Variants in INPP4B observed in about 807,000 individuals in gnomAD.
INPP4B encodes the protein inositol polyphosphate-4-phosphatase type II B.
In INPP4B, 55 loss-of-function variants were observed where a neutral mutation model predicts 122.5. The ratio of observed to expected loss-of-function variants is 0.45; its 90% CI spans 0.36 to 0.56. The LOEUF (loss-of-function observed/expected upper bound fraction) is 0.56. Among genes scored for constraint, INPP4B ranks in the 20% least tolerant of loss-of-function variants. The probability of loss-of-function intolerance (pLI) is 0.00; values close to 1 mark genes in which losing one functional copy is unlikely to be tolerated. For synonymous variants in INPP4B, 403 were observed against 388.7 expected (o/e 1.04, Z -0.43); for missense variants, 1,000 against 1,097.7 (o/e 0.91, Z 1.26).
chr4:142,765,116 A>C (rs781401241), intron 1 of INPP4B, among the ~76,000 whole-genome samples: 1 of 152,176 alleles, frequency 6.6e-6, no homozygotes, highest in East Asian at 1.9e-4. Context: ...CACAGACCTC[A>C]GTCCAAAAAA....
At chr4:142,075,687 A>T (rs1770274878) in intron 25 of INPP4B, among the ~76,000 whole-genome samples, 1 of 151,966 alleles carries the variant, frequency 6.6e-6, no homozygotes, top group Non-Finnish European at 1.5e-5. Flanking sequence ...GAGCAAGGGT[A>T]ACATTTCTCA....
At chr4:142,522,167 AT>A (rs1199696618) in intron 2 of INPP4B, among the ~76,000 whole-genome samples, 1 of 151,772 alleles carries the variant, frequency 6.6e-6, no homozygotes, top group Non-Finnish European at 1.5e-5. Context: ...CTTTTGTTGC[AT>A]TTTTAAAGGT....
intron 2 of INPP4B, among the ~76,000 whole-genome samples, chr4:142,478,020 C>A (rs1283487036): frequency 6.6e-6 from 1 of 152,180 alleles, no homozygotes. Context: ...CCCGGCTGGT[C>A]TTGAACTCGT....
chr4:142,375,552 T>C (rs988620483), intron 7 of INPP4B, among the ~76,000 whole-genome samples: 1 of 151,938 alleles, frequency 6.6e-6, no homozygotes, highest in Admixed American at 6.6e-5. Flanking sequence ...ACTTGCTTTA[T>C]CAGCTTTCCT....
At chr4:142,049,025 A>C (rs1317218111) in intron 25 of INPP4B, among the ~76,000 whole-genome samples, 1 of 152,020 alleles carries the variant, frequency 6.6e-6, no homozygotes, top group African/African-American at 2.4e-5. Context: ...CAACTTTGAG[A>C]TGCTATCACC....
At chr4:142,330,141 A>C (rs1365486310) in intron 7 of INPP4B, among the ~76,000 whole-genome samples, 1 of 152,198 alleles carries the variant, frequency 6.6e-6, no homozygotes, top group Non-Finnish European at 1.5e-5. Flanking sequence ...ATTGTTACTT[A>C]TCTGCATTTG....
rs1308764400 is a variant in INPP4B, at chr4:142,027,760, G to GTTAT, written c.*1018_*1021dup. ...TTGGGATTTTGGAAAACTTATAAAT[G>GTTAT]TTATTTTGCTGAGTAAGGGCAAGGG... On this transcript the variant is annotated 3_prime_UTR_variant, in exon 26 of 26. Coordinates refer to ENST00000262992, the MANE Select transcript of INPP4B (RefSeq NM_001101669.3). 1 of 155,898 alleles carries GTTAT rather than the reference G, an allele frequency of 6.4e-6. No homozygotes were observed. The highest frequency in any genetic ancestry group is 1.4e-5 in the Non-Finnish European group (1 of 70,232). 9.7% of individuals were successfully genotyped at this position (155,898 alleles called of 1,614,324 possible).
chr4:142,822,858 A>G (rs551639447), intron 1 of INPP4B, among the ~76,000 whole-genome samples: 9 of 152,280 alleles, frequency 5.9e-5, no homozygotes, highest in Non-Finnish European at 1.0e-4. Context: ...AGGTTATGCT[A>G]TGTTCACAAA....
At chr4:142,517,776 T>C (rs922809019) in intron 2 of INPP4B, among the ~76,000 whole-genome samples, 16 of 152,042 alleles carry the variant, frequency 1.1e-4, no homozygotes, top group African/African-American at 3.9e-4. Flanking sequence ...TGGCCATCAA[T>C]CCCTCCCTCT....
At chr4:142,316,062 A>G (rs1767524885) in intron 7 of INPP4B, among the ~76,000 whole-genome samples, 1 of 152,190 alleles carries the variant, frequency 6.6e-6, no homozygotes, top group African/African-American at 2.4e-5. Flanking sequence ...GCAGCAAGCT[A>G]TAATAAAATG....
At chr4:142,544,051 CT>C (rs1829243617) in intron 2 of INPP4B, among the ~76,000 whole-genome samples, 1 of 150,364 alleles carries the variant, frequency 6.7e-6, no homozygotes, top group Non-Finnish European at 1.5e-5. Flanking sequence ...GAAAGCTGAG[CT>C]ACACAACTAA....
Position 142,193,185 on chromosome 4 carries a change from G to A in INPP4B, c.1083C>T (p.Tyr361=), listed in dbSNP as rs528311267. ...CTGGGGCTCCCACAGTGATGACATC[G>A]TAGAGAGCATCTGGAGTAGAAACAG... ...VHSPHLKDAL[Y]DVITVGAPAA... is the part of the protein sequence containing the mutation. Residue 361 remains tyrosine, a synonymous_variant, in exon 15 of 26, where the codon TAC becomes TAT. Transcript: ENST00000262992. 29 of 1,603,542 alleles carry A rather than the reference G, an allele frequency of 1.8e-5. No homozygotes were observed. The Middle Eastern group carries it at 6.6e-4, about 37-fold the overall frequency.
At chr4:142,400,484 C>T (rs574831648) in intron 7 of INPP4B, among the ~76,000 whole-genome samples, 3 of 152,220 alleles carry the variant, frequency 2.0e-5, no homozygotes, top group Non-Finnish European at 4.4e-5. Context: ...CACTTGCTGC[C>T]TTCCTCCATC....
At chr4:142,069,736 G>C (rs1578794507) in intron 25 of INPP4B, among the ~76,000 whole-genome samples, 1 of 152,260 alleles carries the variant, frequency 6.6e-6, no homozygotes, top group East Asian at 1.9e-4. Flanking sequence ...AAATCTAGAA[G>C]AAATGGATAA....
chr4:142,571,595 G>T (rs973264360), intron 2 of INPP4B, among the ~76,000 whole-genome samples: 5 of 151,978 alleles, frequency 3.3e-5, no homozygotes, highest in African/African-American at 1.2e-4. Flanking sequence ...TGCATAAGCA[G>T]CATAATTATC....
At chr4:142,845,294 G>A (rs1784048028) in intron 1 of INPP4B, among the ~76,000 whole-genome samples, 1 of 152,050 alleles carries the variant, frequency 6.6e-6, no homozygotes, top group Non-Finnish European at 1.5e-5. Context: ...GTGGGGAGGG[G>A]GAAAAACAGG....
At chr4:142,419,366 G>A (rs765617677) in intron 5 of INPP4B, among the ~76,000 whole-genome samples, 1 of 152,212 alleles carries the variant, frequency 6.6e-6, no homozygotes, top group East Asian at 1.9e-4. Context: ...AGAGGGAAAA[G>A]TAATTTGCAC....
At chr4:142,340,063 T>C (rs1561887241) in intron 7 of INPP4B, among the ~76,000 whole-genome samples, 1 of 152,148 alleles carries the variant, frequency 6.6e-6, no homozygotes, top group Non-Finnish European at 1.5e-5. Context: ...ATTACAGAAA[T>C]GAAAGTCTCT....
chr4:142,331,916 G>T (rs28527427), intron 7 of INPP4B, among the ~76,000 whole-genome samples: 1 of 150,412 alleles, frequency 6.6e-6, no homozygotes, highest in Non-Finnish European at 1.5e-5. Flanking sequence ...CTGGGGGGGT[G>T]GGGGGTGGAG....
Sources: gnomAD v4.1 joint callset for allele counts (sites outside exome capture counted in the v4.1 genomes callset) on GRCh38, gnomAD v4.1.1 for gene constraint, MANE v1.5 for transcripts, NCBI Gene and HGNC (gene_info 2026-07-23, HGNC 2026-07-21) for gene names.